CACNA2D3: variants seen among roughly 807,000 people sequenced by gnomAD.
CACNA2D3 encodes voltage-dependent calcium channel subunit alpha-2/delta-3.
CACNA2D3 carries 60 observed loss-of-function variants against 160.6 expected under a neutral mutation model. The ratio of observed to expected loss-of-function variants is 0.37; its 90% confidence interval spans 0.30 to 0.46. The LOEUF is 0.46. Ranked by LOEUF, CACNA2D3 falls within the 20% of genes least tolerant of loss-of-function variation. The pLI is 1.00. For synonymous variants in CACNA2D3, 558 were observed against 492.9 expected, an observed-to-expected ratio of 1.13 and a Z score of -1.75; for missense variants, 1,205 against 1,365.0, an observed-to-expected ratio of 0.88 and a Z score of 1.85.
chr3:54,991,585 G>A (rs372352687), intron 31 of CACNA2D3, among the ~76,000 whole-genome samples: 3 of 149,602 alleles, frequency 2.0e-5, no homozygotes, highest in African/African-American at 2.6e-5. Context: ...GTTTACCCCT[G>A]GTAATGCAAA....
At chr3:54,391,712 T>G (rs1157117316) in intron 4 of CACNA2D3, among the ~76,000 whole-genome samples, 1 of 152,080 alleles carries the variant, frequency 6.6e-6, no homozygotes, top group Non-Finnish European at 1.5e-5. Context: ...GGTTTCACCA[T>G]GTTGGTTAGG....
chr3:54,434,370 G>A (rs1211502223), intron 4 of CACNA2D3, among the ~76,000 whole-genome samples: 1 of 152,176 alleles, frequency 6.6e-6, no homozygotes, highest in African/African-American at 2.4e-5. Context: ...CACCCACCCA[G>A]CAGCAGTGAG....
At chr3:54,740,536 G>A (rs1260727704) in intron 11 of CACNA2D3, among the ~76,000 whole-genome samples, 2 of 152,186 alleles carry the variant, frequency 1.3e-5, no homozygotes, top group African/African-American at 2.4e-5. Flanking sequence ...AAGTGAGCTC[G>A]TACAGATCAC....
At chr3:54,288,872 A>AC (rs1053980718) in intron 2 of CACNA2D3, among the ~76,000 whole-genome samples, 2 of 152,268 alleles carry the variant, frequency 1.3e-5, no homozygotes, top group South Asian at 2.1e-4. Flanking sequence ...AAATTCAACA[A>AC]CCTTCATGCT....
chr3:54,458,924 TC>T, intron 4 of CACNA2D3, among the ~76,000 whole-genome samples: 1 of 151,922 alleles, frequency 6.6e-6, no homozygotes, highest in South Asian at 2.1e-4. Context: ...CCTCCCAACT[TC>T]CCCCACCCCA....
intron 2 of CACNA2D3, among the ~76,000 whole-genome samples, chr3:54,284,362 A>G (rs956752460): frequency 2.6e-5 from 4 of 151,632 alleles, no homozygotes; most frequent in African/African-American, 9.7e-5. Context: ...ATAGTTTTAT[A>G]GGTTAGTTTT....
chr3:54,991,319 T>A (rs531676509), intron 31 of CACNA2D3, among the ~76,000 whole-genome samples: 4 of 150,082 alleles, frequency 2.7e-5, no homozygotes, highest in African/African-American at 9.8e-5. Flanking sequence ...GCCTTCTGGG[T>A]TCAAGCGATT....
At chr3:54,132,482 C>T (rs1287905226) in intron 2 of CACNA2D3, among the ~76,000 whole-genome samples, 1 of 152,156 alleles carries the variant, frequency 6.6e-6, no homozygotes, top group Non-Finnish European at 1.5e-5. Flanking sequence ...CCTGGTCGCC[C>T]TGAAGTAAGA....
chr3:54,575,062 G>A (rs1559516762), intron 8 of CACNA2D3, among the ~76,000 whole-genome samples: 1 of 152,204 alleles, frequency 6.6e-6, no homozygotes, highest in Non-Finnish European at 1.5e-5. Flanking sequence ...ATTGTGTCCA[G>A]TTGTGTTTCA....
intron 6 of CACNA2D3, among the ~76,000 whole-genome samples, chr3:54,567,559 G>T (rs545489512): frequency 1.8e-4 from 27 of 152,206 alleles, no homozygotes; most frequent in African/African-American, 6.5e-4. Context: ...TTTTTGAGAA[G>T]GAGTCTTACT....
intron 14 of CACNA2D3, among the ~76,000 whole-genome samples, chr3:54,818,824 A>G (rs1703520391): frequency 6.6e-6 from 1 of 152,200 alleles, no homozygotes. Context: ...AGAGAAAGGC[A>G]CTTACCTTAC....
At chr3:54,482,643 T>C (rs1700952167) in intron 4 of CACNA2D3, among the ~76,000 whole-genome samples, 1 of 152,228 alleles carries the variant, frequency 6.6e-6, no homozygotes, top group South Asian at 2.1e-4. Flanking sequence ...ATGATAGCTC[T>C]GATAACAAAC....
intron 13 of CACNA2D3, among the ~76,000 whole-genome samples, chr3:54,808,004 A>G (rs1176710036): frequency 9.5e-4 from 130 of 136,132 alleles, no homozygotes; most frequent in Non-Finnish European, 1.4e-3. Context: ...GAATTGAACA[A>G]TGAGAACACA....
intron 2 of CACNA2D3, among the ~76,000 whole-genome samples, chr3:54,144,124 C>G (rs1454727145): frequency 6.6e-6 from 1 of 152,226 alleles, no homozygotes; most frequent in African/African-American, 2.4e-5. Flanking sequence ...CTGCTGAAAA[C>G]TGAAATCAGA....
chr3:54,187,466 A>G (rs1700898041), intron 2 of CACNA2D3, among the ~76,000 whole-genome samples: 1 of 152,196 alleles, frequency 6.6e-6, no homozygotes, highest in African/African-American at 2.4e-5. Context: ...AAGGAAGTAG[A>G]CACACAAACC....
chr3:54,310,742 T>C (rs1703721336), intron 2 of CACNA2D3, among the ~76,000 whole-genome samples: 1 of 152,216 alleles, frequency 6.6e-6, no homozygotes, highest in South Asian at 2.1e-4. Flanking sequence ...GATTTATTAC[T>C]TCTCCCATCA....
chr3:54,819,144 A>T (rs188253468), intron 14 of CACNA2D3, among the ~76,000 whole-genome samples: 41 of 148,392 alleles, frequency 2.8e-4, no homozygotes, highest in African/African-American at 9.7e-4. Context: ...AGCTTTCCTT[A>T]GATTTACTGT....
At chr3:54,951,050 A>C (rs1327533184) in intron 27 of CACNA2D3, among the ~76,000 whole-genome samples, 4 of 152,220 alleles carry the variant, frequency 2.6e-5, no homozygotes, top group Non-Finnish European at 4.4e-5. Flanking sequence ...ATTCATAGAA[A>C]ATGTAACTTG....
chr3:54,917,855 A>T (rs1389898431), intron 27 of CACNA2D3, among the ~76,000 whole-genome samples: 1 of 152,170 alleles, frequency 6.6e-6, no homozygotes, highest in African/African-American at 2.4e-5. Flanking sequence ...GAAAGCCCCA[A>T]ATGGTTTTCT....
Sources: gnomAD v4.1 joint callset for allele counts (sites outside exome capture counted in the v4.1 genomes callset) on GRCh38, gnomAD v4.1.1 for gene constraint, MANE v1.5 for transcripts, NCBI Gene and HGNC (gene_info 2026-07-23, HGNC 2026-07-21) for gene names.